Variants in CDC42SE2 observed in about 807,000 individuals in gnomAD.
The protein encoded by CDC42SE2 is CDC42 small effector protein 2.
In CDC42SE2, 3 loss-of-function variants were observed where a neutral mutation model predicts 11.5. The observed-to-expected ratio is 0.26, with a 90% CI of 0.12 to 0.67. The LOEUF (loss-of-function observed/expected upper bound fraction) is 0.67. Ranked by LOEUF, CDC42SE2 falls within the 30% of genes least tolerant of loss-of-function variation. CDC42SE2 has a pLI of 0.80. For synonymous variants in CDC42SE2, 33 were observed against 34.8 expected, an observed-to-expected ratio of 0.95 and a Z score of 0.18; for missense variants, 82 against 106.8, an observed-to-expected ratio of 0.77 and a Z score of 1.02.
chr5:131,268,832 C>A (rs555470070), intron 1 of CDC42SE2, among the ~76,000 whole-genome samples: 1 of 140,736 alleles, frequency 7.1e-6, no homozygotes, highest in Admixed American at 7.7e-5. Flanking sequence ...CTTACTGCAA[C>A]CTCTGCCTCC....
At chr5:131,356,020 C>T (rs1015449028) in intron 2 of CDC42SE2, among the ~76,000 whole-genome samples, 3 of 152,196 alleles carry the variant, frequency 2.0e-5, no homozygotes, top group South Asian at 2.1e-4. Context: ...CTAGCTAAGT[C>T]GCCTTGGATA....
At chr5:131,346,703 C>G (rs944578991) in intron 2 of CDC42SE2, among the ~76,000 whole-genome samples, 2 of 152,198 alleles carry the variant, frequency 1.3e-5, no homozygotes, top group Non-Finnish European at 2.9e-5. Context: ...AATATACATT[C>G]TTCTCAGCAC....
chr5:131,326,111 T>TC (rs1303053440), intron 2 of CDC42SE2, among the ~76,000 whole-genome samples: 1 of 152,054 alleles, frequency 6.6e-6, no homozygotes, highest in Non-Finnish European at 1.5e-5. Flanking sequence ...ACGAGATTTT[T>TC]TTTTTTTTTT....
chr5:131,308,501 T>G (rs1348341263), intron 1 of CDC42SE2, among the ~76,000 whole-genome samples: 95 of 143,056 alleles, frequency 6.6e-4, no homozygotes, highest in South Asian at 2.1e-3. Context: ...GGTAGCTTGA[T>G]GGGGATGGCA....
At position 131,393,837 on chromosome 5, in the gene CDC42SE2, T is replaced by C. The variant is rs1470009478; in HGVS notation, c.*2746T>C. On this transcript the variant is annotated 3_prime_UTR_variant, in exon 5 of 5. Coordinates refer to ENST00000505065, the MANE Select transcript of CDC42SE2 (RefSeq NM_001375635.1). ...TCGCTGTTTTTTTTTTTTTTTTTTT[T>C]TTTTTTGCTGCTCCAACGACCAGCA... The C allele has an allele frequency of 6.9e-6, 1 of 145,540 alleles. No individual in the cohort carries two copies. The highest frequency in any genetic ancestry group is 2.3e-4 in the South Asian group (1 of 4,344). The allele number at this position is 145,540 out of a possible 1,614,324, so 9.0% of individuals were successfully genotyped here. A position where few individuals can be genotyped will look rare whatever the true frequency, so the allele number is the denominator to read the frequency against.
chr5:131,269,147 G>A (rs532766182), intron 1 of CDC42SE2, among the ~76,000 whole-genome samples: 344 of 152,264 alleles, frequency 2.3e-3, no homozygotes, highest in African/African-American at 5.4e-3. Context: ...CAAATAATGA[G>A]TAGTGCAGGA....
chr5:131,216,507 A>AC, the CDC42SE2 span, among the ~76,000 whole-genome samples: 59 of 146,792 alleles, frequency 4.0e-4, 1 homozygote, highest in African/African-American at 1.5e-3. Context: ...GTCTCAAAAA[A>AC]AAAAAAAAAA....
chr5:131,230,607 A>G, the CDC42SE2 span, among the ~76,000 whole-genome samples: 1 of 152,170 alleles, frequency 6.6e-6, no homozygotes, highest in Non-Finnish European at 1.5e-5. Context: ...TCTCCTACTG[A>G]CAGAATTGAA....
chr5:131,309,341 G>A (rs560511443), intron 1 of CDC42SE2, among the ~76,000 whole-genome samples: 3 of 151,690 alleles, frequency 2.0e-5, no homozygotes, highest in Admixed American at 1.3e-4. Flanking sequence ...TGCTGGATTC[G>A]TTTTGCCAGT....
intron 1 of CDC42SE2, among the ~76,000 whole-genome samples, chr5:131,274,184 A>C (rs1757053971): frequency 6.6e-6 from 1 of 152,142 alleles, no homozygotes; most frequent in South Asian, 2.1e-4. Flanking sequence ...TCTAATAGGC[A>C]TCCCAGATTT....
At chr5:131,381,129 G>A (rs1287491748) in intron 3 of CDC42SE2, among the ~76,000 whole-genome samples, 2 of 152,088 alleles carry the variant, frequency 1.3e-5, no homozygotes, top group Non-Finnish European at 2.9e-5. Flanking sequence ...CAGAAATTTA[G>A]TTTGTCTAGG....
intron 1 of CDC42SE2, among the ~76,000 whole-genome samples, chr5:131,269,851 G>A (rs995412257): frequency 1.3e-5 from 2 of 151,398 alleles, no homozygotes; most frequent in African/African-American, 2.4e-5. Flanking sequence ...ATCTGAGTTC[G>A]GGAATTTGAG....
the CDC42SE2 span, among the ~76,000 whole-genome samples, chr5:131,233,479 TG>T: frequency 6.6e-6 from 1 of 152,216 alleles, no homozygotes; most frequent in African/African-American, 2.4e-5. Flanking sequence ...GTGATTCTCC[TG>T]CCTCAGTCTC....
At chr5:131,386,972 CGGAAA>C (rs1414755810) in intron 4 of CDC42SE2, among the ~76,000 whole-genome samples, 5 of 152,262 alleles carry the variant, frequency 3.3e-5, no homozygotes, top group African/African-American at 1.2e-4. Context: ...TGAACCTTGC[CGGAAA>C]GGAAACAGCT....
At chr5:131,337,579 G>GAGGC (rs1194098638) in intron 2 of CDC42SE2, among the ~76,000 whole-genome samples, 1 of 152,276 alleles carries the variant, frequency 6.6e-6, no homozygotes, top group Admixed American at 6.5e-5. Flanking sequence ...GGAGTCTACA[G>GAGGC]AGGCAGGCAG....
intron 1 of CDC42SE2, among the ~76,000 whole-genome samples, chr5:131,279,030 A>T (rs183596839): frequency 1.4e-3 from 207 of 151,658 alleles, no homozygotes; most frequent in African/African-American, 4.7e-3. Context: ...AGTGATGCGC[A>T]TGCCTCGATC....
intron 3 of CDC42SE2, among the ~76,000 whole-genome samples, chr5:131,372,136 T>C (rs779895252): frequency 5.9e-5 from 9 of 152,176 alleles, no homozygotes; most frequent in Non-Finnish European, 1.2e-4. Context: ...TACTTATGCA[T>C]ATATTCAAAA....
chr5:131,219,863 G>T, the CDC42SE2 span, among the ~76,000 whole-genome samples: 2 of 152,158 alleles, frequency 1.3e-5, no homozygotes, highest in Admixed American at 1.3e-4. Context: ...CTTGAGCCCA[G>T]GGGGCAGAGG....
rs894131310 is a variant in CDC42SE2 at position 131,328,152 on chromosome 5, T to G, written c.-286+12008T>G. On this transcript the variant is annotated intron_variant, in intron 2 of 4. Coordinates refer to ENST00000505065, the MANE Select transcript of CDC42SE2 (RefSeq NM_001375635.1). ...ATTTGGTTTCCAATGCATGTTTTTT[T>G]GGGGGATACATTCAAACCATAGCAA... Among the ~76,000 whole-genome samples the G allele has an allele frequency of 7.9e-5, 12 of 152,192 alleles. 1 individual carries two copies. Among genetic ancestry groups the G allele is most frequent in the Admixed American group, 2.6e-4 (4 of 15,276 alleles).
Sources: allele counts gnomAD v4.1 joint callset (sites outside exome capture counted in the v4.1 genomes callset), GRCh38; gene constraint gnomAD v4.1.1; transcripts MANE v1.5; gene names NCBI Gene and HGNC (gene_info 2026-07-23, HGNC 2026-07-21).